RALB: variants seen among roughly 807,000 people sequenced by gnomAD.
The protein encoded by RALB is ras-related protein Ral-B.
A neutral mutation model predicts 21.3 loss-of-function variants in RALB; 16 were observed. That is an observed-to-expected ratio of 0.75 (90% CI 0.51 to 1.14). The LOEUF (loss-of-function observed/expected upper bound fraction) is 1.14. Ranked by LOEUF, RALB falls within the 50% of genes most tolerant of loss-of-function variation. The pLI, the probability that RALB is intolerant of heterozygous loss-of-function variation, is 0.00. For missense variants in RALB, 161 were observed against 256.2 expected (o/e 0.63, Z 2.54); for synonymous variants, 93 against 96.1 (o/e 0.97, Z 0.19).
intron 1 of RALB, among the ~76,000 whole-genome samples, chr2:120,275,198 C>T (rs1386314827): frequency 1.3e-5 from 2 of 152,256 alleles, no homozygotes; most frequent in Non-Finnish European, 1.5e-5. Flanking sequence ...CTTCTCAGTT[C>T]CCAATTGAAA....
chr2:120,277,828 AAT>A (rs377464235), intron 1 of RALB, among the ~76,000 whole-genome samples: 8,456 of 139,282 alleles, frequency 0.061, 807 homozygotes, highest in African/African-American at 0.2. Flanking sequence ...CAAGTGTGTG[AAT>A]ATGTGTGTTT....
At chr2:120,258,944 C>T (rs376017399) in intron 1 of RALB, among the ~76,000 whole-genome samples, 175 of 152,034 alleles carry the variant, frequency 1.2e-3, no homozygotes, top group African/African-American at 4.0e-3. Flanking sequence ...TTCGGAGTTT[C>T]TTCCTTCTGG....
At chr2:120,272,753 A>G (rs1558951772) in intron 1 of RALB, among the ~76,000 whole-genome samples, 1 of 151,884 alleles carries the variant, frequency 6.6e-6, no homozygotes, top group Non-Finnish European at 1.5e-5. Context: ...TTCAGCTCTT[A>G]GTTCATGCGA....
At chr2:120,264,203 T>G (rs1277923346) in intron 1 of RALB, among the ~76,000 whole-genome samples, 1 of 151,966 alleles carries the variant, frequency 6.6e-6, no homozygotes, top group Admixed American at 6.6e-5. Context: ...CAGGCTGGAG[T>G]GTAGTGGTGT....
At chr2:120,243,581 G>A (rs1688925960) in intron 1 of RALB, among the ~76,000 whole-genome samples, 1 of 152,192 alleles carries the variant, frequency 6.6e-6, no homozygotes, top group Non-Finnish European at 1.5e-5. Flanking sequence ...CCTGAGAGCT[G>A]TGTCTTGGGC....
chr2:120,252,441 TTC>T (rs1432343798), upstream of RALB, among the ~76,000 whole-genome samples: 1 of 152,218 alleles, frequency 6.6e-6, no homozygotes, highest in East Asian at 1.9e-4. Context: ...CGTAATTTTC[TTC>T]TGTTTCTGTA....
At chr2:120,246,262 C>T (rs1027723497) in intron 1 of RALB, among the ~76,000 whole-genome samples, 2 of 152,208 alleles carry the variant, frequency 1.3e-5, no homozygotes, top group African/African-American at 4.8e-5. Flanking sequence ...GCCCATGGCA[C>T]TGCCCCTCCT....
intron 1 of RALB, among the ~76,000 whole-genome samples, chr2:120,274,196 A>T (rs1330361830): frequency 6.6e-6 from 1 of 152,224 alleles, no homozygotes; most frequent in Non-Finnish European, 1.5e-5. Context: ...TGTAGGAAAC[A>T]GTGTGGACCA....
chr2:120,276,610 A>G (rs4848584), intron 1 of RALB, among the ~76,000 whole-genome samples: 15 of 151,930 alleles, frequency 9.9e-5, no homozygotes, highest in Non-Finnish European at 2.2e-4. Flanking sequence ...CTCAAAAAAA[A>G]GAAAAAAAAA....
At chr2:120,258,783 G>A (rs1239578192) in intron 1 of RALB, among the ~76,000 whole-genome samples, 2 of 152,230 alleles carry the variant, frequency 1.3e-5, no homozygotes, top group East Asian at 3.8e-4. Flanking sequence ...CAGGTCCCTG[G>A]CTTTGGTAAC....
rs1690351888 is a variant in RALB at position 120,293,381 on chromosome 2, C to T, written c.*121C>T. On this transcript the variant is annotated 3_prime_UTR_variant, in exon 5 of 5. Coordinates refer to ENST00000272519, the MANE Select transcript of RALB (RefSeq NM_002881.3). ...CTCTCCCCGACTTCATTCACTCAAA[C>T]TTCTTTAAATGGGGAAAAATATTTG... 3.6e-6 allele frequency: 4 copies of T among 1,118,078 alleles called. No homozygotes were observed. The highest frequency in any genetic ancestry group is 2.2e-4 in the Middle Eastern group (1 of 4,560). The allele number at this position is 1,118,078 out of a possible 1,614,324, so 69.3% of individuals were successfully genotyped here.
At chr2:120,275,583 A>G (rs1407794630) in intron 1 of RALB, among the ~76,000 whole-genome samples, 1 of 152,124 alleles carries the variant, frequency 6.6e-6, no homozygotes, top group East Asian at 1.9e-4. Flanking sequence ...TTGTATAGCT[A>G]AGAATGGGAA....
intron 1 of RALB, among the ~76,000 whole-genome samples, chr2:120,265,785 TAGA>T (rs1171924075): frequency 1.3e-5 from 2 of 152,136 alleles, no homozygotes; most frequent in Non-Finnish European, 2.9e-5. Flanking sequence ...GAAGTAGAAG[TAGA>T]AGTAGTAGTA....
chr2:120,284,075 C>A (rs890274543), intron 2 of RALB, among the ~76,000 whole-genome samples: 1 of 152,046 alleles, frequency 6.6e-6, no homozygotes, highest in African/African-American at 2.4e-5. Context: ...AGGGGACAGT[C>A]GTGTGTTGGA....
chr2:120,251,288 G>A (rs1182878054), upstream of RALB, among the ~76,000 whole-genome samples: 1 of 152,190 alleles, frequency 6.6e-6, no homozygotes, highest in Non-Finnish European at 1.5e-5. Flanking sequence ...ATACAGATGG[G>A]CTTTGGGAGA....
intron 1 of RALB, among the ~76,000 whole-genome samples, chr2:120,246,492 C>T (rs150636912): frequency 3.3e-5 from 5 of 152,340 alleles, no homozygotes; most frequent in East Asian, 3.9e-4. Context: ...CACAGCCGAA[C>T]GTCTAACAGT....
At chr2:120,258,602 G>A (rs1689257236) in intron 1 of RALB, among the ~76,000 whole-genome samples, 1 of 152,248 alleles carries the variant, frequency 6.6e-6, no homozygotes, top group Non-Finnish European at 1.5e-5. Flanking sequence ...ACAGATTGAA[G>A]AGGGGCTGGA....
upstream of RALB, among the ~76,000 whole-genome samples, chr2:120,248,553 C>T (rs919416594): frequency 8.4e-5 from 6 of 71,830 alleles, no homozygotes; most frequent in African/African-American, 2.2e-4. Flanking sequence ...GAGCTGATTA[C>T]CCTGTCTAGG....
At chr2:120,263,173 T>C (rs1689413084) in intron 1 of RALB, among the ~76,000 whole-genome samples, 1 of 152,226 alleles carries the variant, frequency 6.6e-6, no homozygotes, top group Non-Finnish European at 1.5e-5. Context: ...TAGAGTGATA[T>C]TTATTTATTT....
Sources: gnomAD v4.1 joint callset for allele counts (sites outside exome capture counted in the v4.1 genomes callset) on GRCh38, gnomAD v4.1.1 for gene constraint, MANE v1.5 for transcripts, NCBI Gene and HGNC (gene_info 2026-07-23, HGNC 2026-07-21) for gene names.